SAV1: variants seen among roughly 807,000 people sequenced by gnomAD.
The protein encoded by SAV1 is salvador family WW domain containing protein 1.
SAV1 carries 23 observed loss-of-function variants against 47.3 expected under a neutral mutation model. The ratio of observed to expected loss-of-function variants is 0.49; its 90% confidence interval spans 0.35 to 0.69. The LOEUF is 0.69. Among genes scored for constraint, SAV1 ranks in the 30% least tolerant of loss-of-function variants. The pLI is 0.01. For synonymous variants in SAV1, 155 were observed against 159.2 expected (o/e 0.97, Z 0.20); for missense variants, 448 against 457.4 (o/e 0.98, Z 0.19).
In SAV1 at chr14:50,667,908, C is replaced by G; in HGVS notation, c.60G>C (p.Lys20Asn). The G allele has an allele frequency of 6.2e-7, 1 of 1,613,224 alleles. No homozygotes were observed. Among genetic ancestry groups the G allele is most frequent in the Non-Finnish European group, 8.5e-7 (1 of 1,179,554 alleles). Residue 20 changes from lysine (K) to asparagine (N), a missense_variant, in exon 1 of 5, where the codon AAG becomes AAC. Physicochemically the swap from Lys to Asn is moderately conservative, Grantham distance 94 (BLOSUM62 0). Coordinates refer to ENST00000324679, the MANE Select transcript of SAV1 (RefSeq NM_021818.4). ...EVSKPAEVQG[K>N]YVKKETSPLL... ...GAGGCGACGTCTCCTTCTTCACGTA[C>G]TTCCCCTGCACCTCGGCCGGCTTGG...
Position 50,648,339 on chromosome 14 carries a change from T to C in SAV1, c.536-3325A>G, listed in dbSNP as rs1376809669. Among the ~76,000 whole-genome samples, 6 of 152,190 alleles carry C rather than the reference T, an allele frequency of 3.9e-5. No homozygotes were observed. The South Asian group carries it at 6.2e-4, about 16-fold the overall frequency. On this transcript the variant is annotated intron_variant, in intron 2 of 4. Transcript: ENST00000324679. The stretch of plus-strand genomic sequence containing the variant: ...AACCTAAGGGAATTTTAGAGGGTGT[T>C]TGAAATGTTCTGTATTCTCATTACA...
chr14:50,644,566 T>TTTTTTTTTTTTTTTTTTTTTTGAGACGG (rs2039704893), intron 3 of SAV1, among the ~76,000 whole-genome samples, 178 bp downstream of exon 3: 1 of 152,148 alleles, frequency 6.6e-6, no homozygotes, highest in Non-Finnish European at 1.5e-5. Context: ...AGTATTTTTT[T>TTTTTTTTTTTTTTTTTTTTTTGAGACGG]AACTTATTAA....
At position 50,668,256 on chromosome 14, in the gene SAV1, CCA is replaced by C. The variant is rs2039923117; in HGVS notation, c.-291_-290del. 2 of 12,980 alleles carry C rather than the reference CCA, an allele frequency of 1.5e-4. No individual in the cohort carries two copies. Among genetic ancestry groups the C allele is most frequent in the Non-Finnish European group, 2.5e-4 (2 of 8,026 alleles). 0.8% of individuals were successfully genotyped at this position (12,980 alleles called of 1,614,324 possible). ...GTGAGGAAAGCCCAGCGACGCCGGG[CCA>C]GGGCCAGGGCCATGGTCCGCCGCGG... On this transcript the variant is annotated 5_prime_UTR_variant, in exon 1 of 5. It introduces an in-frame stop codon into an upstream open reading frame of the 5' UTR. Transcript: ENST00000324679.
rs1184993254 is a variant in SAV1, at chr14:50,665,367, A to G, written c.347T>C (p.Phe116Ser). 3 of 1,612,010 alleles carry G rather than the reference A, an allele frequency of 1.9e-6. No individual in the cohort carries two copies. Among genetic ancestry groups the G allele is most frequent in the South Asian group, 2.2e-5 (2 of 90,820 alleles). ...AACAGCAAAACTAACTTCCGTTACAAATGACTGAGAAGAACCATACTCTCT... is the reference window on the plus strand; with the variant it reads ...AACAGCAAAACTAACTTCCGTTACAGATGACTGAGAAGAACCATACTCTCT... ...VPREYGSSQS[F>S]VTEVSFAVEN... Residue 116 changes from phenylalanine to serine, a missense_variant, in exon 2 of 5, where the codon TTT becomes TCT. Coordinates refer to ENST00000324679, the MANE Select transcript of SAV1 (RefSeq NM_021818.4).
intron 1 of SAV1, chr14:50,667,429 A>T (rs1186423385): frequency 2.2e-6 from 1 of 456,410 alleles, no homozygotes; most frequent in South Asian, 1.5e-5. Context: ...TCTGCCCCAG[A>T]GTTCGCACAA....
chr14:50,651,013 C>T (rs892591755), intron 2 of SAV1, among the ~76,000 whole-genome samples: 1 of 150,478 alleles, frequency 6.6e-6, no homozygotes, highest in Non-Finnish European at 1.5e-5. Context: ...CAGAGAGAGA[C>T]TCTGTCTCCA....
chr14:50,639,486 CTTGT>C (rs1177981778), intron 4 of SAV1, among the ~76,000 whole-genome samples: 1 of 152,182 alleles, frequency 6.6e-6, no homozygotes, highest in East Asian at 1.9e-4. Flanking sequence ...TTCCAGACCT[CTTGT>C]TTAAGTTTTT....
intron 2 of SAV1, among the ~76,000 whole-genome samples, chr14:50,651,446 A>T (rs190477629): frequency 6.6e-6 from 1 of 152,308 alleles, no homozygotes. Flanking sequence ...CTGTTTTATC[A>T]TTTTGATTTT....
At chr14:50,639,191 G>A (rs1177394852) in intron 4 of SAV1, among the ~76,000 whole-genome samples, 1 of 152,196 alleles carries the variant, frequency 6.6e-6, no homozygotes, top group Non-Finnish European at 1.5e-5. Flanking sequence ...AACACAGTCT[G>A]TTTCTAAATC....
At position 50,667,839 on chromosome 14, in the gene SAV1, G is replaced by A. The variant is rs377309352; in HGVS notation, c.94+35C>T. On this transcript the variant is annotated intron_variant, in intron 1 of 4. Transcript: ENST00000324679. The stretch of plus-strand genomic sequence containing the variant: ...GGGTCCCCGGAGCACCTGGCCGCCT[G>A]GGCCAGGTGTGGGCACGCCCCGCCT... 41 of 1,582,628 alleles carry A rather than the reference G, an allele frequency of 2.6e-5. No individual in the cohort carries two copies. The South Asian group carries it at 4.1e-4, about 16-fold the overall frequency.
intron 2 of SAV1, among the ~76,000 whole-genome samples, chr14:50,652,524 T>C (rs1484011652): frequency 6.6e-6 from 1 of 152,104 alleles, no homozygotes; most frequent in Non-Finnish European, 1.5e-5. Context: ...CTAGTCACAT[T>C]AGAAAGCAAA....
chr14:50,644,176 G>A (rs533669568), intron 3 of SAV1, among the ~76,000 whole-genome samples: 1 of 151,642 alleles, frequency 6.6e-6, no homozygotes, highest in Admixed American at 6.6e-5. Flanking sequence ...GGCAGCACAG[G>A]GCTAAAAGTC....
Position 50,635,105 on chromosome 14 carries a change from C to A in SAV1, c.*78G>T, listed in dbSNP as rs1034700652. The A allele has an allele frequency of 2.5e-5, 24 of 955,746 alleles. No homozygotes were observed. Among genetic ancestry groups the A allele is most frequent in the Non-Finnish European group, 3.7e-5 (23 of 614,510 alleles). 59.2% of individuals were successfully genotyped at this position (955,746 alleles called of 1,614,324 possible). On this transcript the variant is annotated 3_prime_UTR_variant, in exon 5 of 5. Coordinates refer to ENST00000324679, the MANE Select transcript of SAV1 (RefSeq NM_021818.4). ...CACAAAGGAAGCAGCATTTATTAAC[C>A]AGAGTACTTGTTTGCAATTTTTTAT...
intron 2 of SAV1, among the ~76,000 whole-genome samples, chr14:50,650,099 T>C (rs577068984): frequency 7.9e-5 from 12 of 152,326 alleles, no homozygotes; most frequent in African/African-American, 2.9e-4. Flanking sequence ...ATGCTTCAAT[T>C]CAAACTCAGA....
chr14:50,661,451 T>C (rs909026031), intron 2 of SAV1, among the ~76,000 whole-genome samples: 6 of 152,256 alleles, frequency 3.9e-5, no homozygotes, highest in Non-Finnish European at 8.8e-5. Context: ...TGGTTTAATA[T>C]AGTCCCATAT....
Position 50,650,224 on chromosome 14 carries a change from C to G in SAV1, c.536-5210G>C, listed in dbSNP as rs146303934. On this transcript the variant is annotated intron_variant, in intron 2 of 4. Coordinates refer to ENST00000324679, the MANE Select transcript of SAV1 (RefSeq NM_021818.4). The stretch of plus-strand genomic sequence containing the variant: ...TGCATATGCATAAGGCTAGTCACTG[C>G]AGCAACATCTATAGTTGCAAAAGGC... 8.1e-4 allele frequency among the ~76,000 whole-genome samples: 124 copies of G among 152,292 alleles called. 1 individual carries two copies. The highest frequency in any genetic ancestry group is 1.8e-3 in the Admixed American group (28 of 15,302).
intron 2 of SAV1, among the ~76,000 whole-genome samples, chr14:50,660,929 G>GT (rs1363161689): frequency 6.6e-6 from 1 of 152,160 alleles, no homozygotes; most frequent in Non-Finnish European, 1.5e-5. Context: ...GGGAGTGCAG[G>GT]TATTTCTTTG....
chr14:50,647,074 T>C (rs955740066), intron 2 of SAV1, among the ~76,000 whole-genome samples: 1 of 152,142 alleles, frequency 6.6e-6, no homozygotes, highest in Non-Finnish European at 1.5e-5. Flanking sequence ...AACCTATACC[T>C]GCCACCTTAC....
chr14:50,652,429 T>C lies in SAV1; in HGVS notation c.536-7415A>G, dbSNP rs551236178. Among the ~76,000 whole-genome samples the C allele has an allele frequency of 5.3e-5, 8 of 152,278 alleles. No individual in the cohort carries two copies. In the East Asian group the frequency reaches 1.4e-3, roughly 26 times the overall value. On this transcript the variant is annotated intron_variant, in intron 2 of 4. Coordinates refer to ENST00000324679, the MANE Select transcript of SAV1 (RefSeq NM_021818.4). ...ACAAGAGTGCAATCCCTGAATACTA[T>C]TTCCCCATCGAAAGGAACCAGGGAT...
Sources: gnomAD v4.1 joint callset for allele counts (sites outside exome capture counted in the v4.1 genomes callset) on GRCh38, gnomAD v4.1.1 for gene constraint, MANE v1.5 for transcripts, NCBI Gene and HGNC (gene_info 2026-07-23, HGNC 2026-07-21) for gene names.